NOX4: variants seen among roughly 807,000 people sequenced by gnomAD.
The protein encoded by NOX4 is kidney oxidase-1.
Under a neutral mutation model 87.6 loss-of-function variants are expected in NOX4, and 69 were observed. The ratio of observed to expected loss-of-function variants is 0.79; its 90% CI spans 0.65 to 0.96. NOX4 has a LOEUF of 0.96. Among genes scored for constraint, NOX4 ranks in the 40% least tolerant of loss-of-function variants. The probability of loss-of-function intolerance (pLI) is 0.00; values close to 1 mark genes in which losing one functional copy is unlikely to be tolerated. For synonymous variants in NOX4, 275 were observed against 238.2 expected (o/e 1.15, Z -1.42); for missense variants, 680 against 681.5 (o/e 1.00, Z 0.02).
chr11:89,512,815 A>T, the NOX4 span, among the ~76,000 whole-genome samples: 5 of 152,056 alleles, frequency 3.3e-5, no homozygotes, highest in Non-Finnish European at 7.4e-5. Context: ...GTTCTTGCCC[A>T]CTGATTATAC....
the NOX4 span, chr11:89,548,158 C>T: frequency 6.6e-6 from 1 of 152,012 alleles, no homozygotes; most frequent in Non-Finnish European, 1.5e-5. Flanking sequence ...TTTGTGTCTT[C>T]TTAAAATTCA....
Position 89,335,872 on chromosome 11 carries a change from A to C in NOX4, c.1589T>G (p.Phe530Cys), listed in dbSNP as rs775188257. 12 of 1,599,904 alleles carry C rather than the reference A, an allele frequency of 7.5e-6. No individual in the cohort carries two copies. The South Asian group carries it at 1.3e-4, about 17-fold the overall frequency. The change falls in exon 17 of 18, where the codon TTT becomes TGT. Residue 530 changes from phenylalanine (F) to cysteine (C), a missense_variant. Phe to Cys is a radical substitution (Grantham distance 205). Transcript: ENST00000263317. ...TCTGTTATATTTTGCTATTTCATCA[A>C]ACAAAAGTTTCCACCGAGGACGTCC... ...FIGRPRWKLLFDEIAKYNRGK... is the reference protein window; with the variant it reads ...FIGRPRWKLLCDEIAKYNRGK...
intron 2 of NOX4, among the ~76,000 whole-genome samples, chr11:89,472,945 T>C (rs1946010109): frequency 6.6e-6 from 1 of 152,180 alleles, no homozygotes; most frequent in Admixed American, 6.6e-5. Flanking sequence ...ATTGAAGAAT[T>C]TGAACAACAG....
intron 2 of NOX4, among the ~76,000 whole-genome samples, chr11:89,466,954 T>C (rs1404828411): frequency 6.6e-6 from 1 of 152,168 alleles, no homozygotes; most frequent in East Asian, 1.9e-4. Context: ...AATAAATAAA[T>C]AGTAGGCCAA....
chr11:89,579,143 G>A, the NOX4 span, among the ~76,000 whole-genome samples: 1 of 152,190 alleles, frequency 6.6e-6, no homozygotes, highest in African/African-American at 2.4e-5. Flanking sequence ...GTTTTCTAGA[G>A]TTCATGGAAG....
At position 89,444,126 on chromosome 11, in the gene NOX4, A is replaced by C; in HGVS notation, c.447+9T>G. The C allele has an allele frequency of 1.9e-6, 3 of 1,611,288 alleles. No individual in the cohort carries two copies. The highest frequency in any genetic ancestry group is 8.5e-7 in the Non-Finnish European group (1 of 1,177,822). On this transcript the variant is annotated intron_variant, in intron 5 of 17. Coordinates refer to ENST00000263317, the MANE Select transcript of NOX4 (RefSeq NM_016931.5). ...GTGAAAGAAAAATGGGAAGACAGAG[A>C]CCACCCACCTCATCTCGGTATCTTG...
chr11:89,586,206 C>T, the NOX4 span, among the ~76,000 whole-genome samples: 19 of 152,106 alleles, frequency 1.2e-4, no homozygotes, highest in Non-Finnish European at 2.8e-4. Flanking sequence ...ATTCCTTTGA[C>T]TTCTCAATTT....
At chr11:89,538,524 T>A in the NOX4 span, among the ~76,000 whole-genome samples, 1 of 152,198 alleles carries the variant, frequency 6.6e-6, no homozygotes, top group Non-Finnish European at 1.5e-5. Context: ...TCACTTTTCA[T>A]ACATGCCCAG....
chr11:89,503,893 A>T, the NOX4 span, among the ~76,000 whole-genome samples: 1 of 147,660 alleles, frequency 6.8e-6, no homozygotes, highest in East Asian at 2.0e-4. Flanking sequence ...ATGAATGGCC[A>T]CCATAGACAT....
chr11:89,473,524 T>G (rs948480810), intron 2 of NOX4, among the ~76,000 whole-genome samples: 1 of 152,130 alleles, frequency 6.6e-6, no homozygotes, highest in Admixed American at 6.6e-5. Context: ...ATTGGAATTT[T>G]AATCAGACTA....
At chr11:89,569,049 T>A in the NOX4 span, among the ~76,000 whole-genome samples, 4 of 152,090 alleles carry the variant, frequency 2.6e-5, no homozygotes, top group African/African-American at 9.7e-5. Flanking sequence ...ATGAAAAATG[T>A]AAAATGTAAC....
intron 7 of NOX4, among the ~76,000 whole-genome samples, chr11:89,423,225 A>T (rs966836507): frequency 1.3e-5 from 2 of 152,036 alleles, no homozygotes; most frequent in African/African-American, 4.8e-5. Flanking sequence ...TACAAACCCA[A>T]CTGTAGGCTA....
At chr11:89,537,497 G>T in the NOX4 span, among the ~76,000 whole-genome samples, 1 of 151,326 alleles carries the variant, frequency 6.6e-6, no homozygotes, top group Non-Finnish European at 1.5e-5. Flanking sequence ...TTTATATATG[G>T]TATATAAAAA....
At chr11:89,376,869 G>A (rs1376809019) in intron 11 of NOX4, among the ~76,000 whole-genome samples, 8 of 152,122 alleles carry the variant, frequency 5.3e-5, no homozygotes, top group South Asian at 2.1e-4. Context: ...GTGACAGAGC[G>A]AGACTCCATC....
intron 2 of NOX4, among the ~76,000 whole-genome samples, chr11:89,484,548 A>G (rs1175939718): frequency 1.3e-5 from 2 of 152,060 alleles, no homozygotes; most frequent in Non-Finnish European, 2.9e-5. Context: ...AGTGGCTAAT[A>G]TTGGACTAAG....
chr11:89,457,985 A>G (rs1945282850), intron 2 of NOX4, among the ~76,000 whole-genome samples: 1 of 152,250 alleles, frequency 6.6e-6, no homozygotes, highest in Non-Finnish European at 1.5e-5. Flanking sequence ...ATACTGGCCA[A>G]AGCAATTTAC....
intron 7 of NOX4, among the ~76,000 whole-genome samples, chr11:89,430,686 T>C (rs146192685): frequency 0.2 from 30,353 of 152,044 alleles, 4,123 homozygotes; most frequent in Non-Finnish European, 0.31. Flanking sequence ...TACATACCAC[T>C]GCTCAACGAA....
chr11:89,574,215 G>A, the NOX4 span, among the ~76,000 whole-genome samples: 1 of 152,138 alleles, frequency 6.6e-6, no homozygotes, highest in Non-Finnish European at 1.5e-5. Context: ...GCTCATGCCT[G>A]TCTAACTACC....
chr11:89,445,533 G>A (rs1345971492), intron 4 of NOX4, among the ~76,000 whole-genome samples: 1 of 152,064 alleles, frequency 6.6e-6, no homozygotes, highest in Non-Finnish European at 1.5e-5. Context: ...ATAGATTAAT[G>A]GAACAGAATA....
Sources: gnomAD v4.1 joint callset for allele counts (sites outside exome capture counted in the v4.1 genomes callset) on GRCh38, gnomAD v4.1.1 for gene constraint, MANE v1.5 for transcripts, NCBI Gene and HGNC (gene_info 2026-07-23, HGNC 2026-07-21) for gene names.